The following ARHGAP6 variants were observed in gnomAD, a reference collection of about 807,000 sequenced individuals.
The protein encoded by ARHGAP6 is rho GTPase-activating protein 6.
Under a neutral mutation model 55.7 loss-of-function variants are expected in ARHGAP6, and 16 were observed. The observed-to-expected ratio is 0.29, with a 90% confidence interval of 0.19 to 0.44. The LOEUF is 0.44. ARHGAP6 is among the 20% of genes least tolerant of loss of function. The pLI, the probability that ARHGAP6 is intolerant of heterozygous loss-of-function variation, is 1.00. For missense variants in ARHGAP6, 698 were observed against 808.9 expected, an observed-to-expected ratio of 0.86 and a Z score of 1.66; for synonymous variants, 382 against 360.9, an observed-to-expected ratio of 1.06 and a Z score of -0.66.
intron 1 of ARHGAP6, among the ~76,000 whole-genome samples, chrX:11,524,829 C>T (rs1462468569): frequency 1.8e-5 from 2 of 111,259 alleles, no homozygotes; most frequent in Non-Finnish European, 3.8e-5. Flanking sequence ...AATGTAGAAT[C>T]AGTAGGAGCC....
At chrX:11,336,226 T>C (rs1465693666) in intron 1 of ARHGAP6, among the ~76,000 whole-genome samples, 1 of 111,529 alleles carries the variant, frequency 9.0e-6, no homozygotes, top group Non-Finnish European at 1.9e-5. Context: ...AAATAACTAA[T>C]GATCATAATT....
At chrX:11,470,509 T>G (rs2050337249) in intron 1 of ARHGAP6, among the ~76,000 whole-genome samples, 1 of 112,437 alleles carries the variant, frequency 8.9e-6, no homozygotes, top group African/African-American at 3.2e-5. Context: ...TGAGCTAATG[T>G]GGATGTTATT....
At chrX:11,206,018 C>T (rs755278247) in intron 2 of ARHGAP6, among the ~76,000 whole-genome samples, 3 of 111,649 alleles carry the variant, frequency 2.7e-5, no homozygotes, top group East Asian at 2.8e-4. Context: ...CTTCTCTCCC[C>T]GGCATGGAAA....
intron 1 of ARHGAP6, among the ~76,000 whole-genome samples, chrX:11,414,624 A>G (rs1311840630): frequency 9.0e-6 from 1 of 111,380 alleles, no homozygotes; most frequent in Non-Finnish European, 1.9e-5. Context: ...AAGGTGTTCA[A>G]ACTTCAATGA....
At chrX:11,444,290 C>T (rs1451837292) in intron 1 of ARHGAP6, among the ~76,000 whole-genome samples, 1 of 112,408 alleles carries the variant, frequency 8.9e-6, no homozygotes, top group Admixed American at 9.4e-5. Context: ...ATTTAGTCCA[C>T]AGGCAGCGAA....
rs964907093 is a variant in ARHGAP6 at position 11,420,031 on chromosome X, G to A, written c.589-165324C>T. On this transcript the variant is annotated intron_variant, in intron 1 of 12. Transcript: ENST00000337414. Reference sequence around the variant, plus strand: ...GAGAAGAGGAGAACAAGCCTGACAGGTTTTCATTTGAAAGAGTCATGGCAT... The same window carrying A: ...GAGAAGAGGAGAACAAGCCTGACAGATTTTCATTTGAAAGAGTCATGGCAT... 4.5e-5 allele frequency among the ~76,000 whole-genome samples: 5 copies of A among 112,009 alleles called. No individual in the cohort carries two copies. The South Asian group carries it at 1.9e-3, about 42-fold the overall frequency.
intron 8 of ARHGAP6, among the ~76,000 whole-genome samples, chrX:11,174,613 TTTCTCTTTCTTTTC>T (rs1220061466): frequency 1.1e-5 from 1 of 94,641 alleles, no homozygotes; most frequent in African/African-American, 3.9e-5. Flanking sequence ...TCTTTCTTTC[TTTCTCTTTCTTTTC>T]TTTCTTTCTT....
intron 1 of ARHGAP6, among the ~76,000 whole-genome samples, chrX:11,645,429 A>T (rs2052516836): frequency 8.9e-6 from 1 of 111,812 alleles, no homozygotes. Context: ...AAGAGAAACT[A>T]TAATTCAACA....
At chrX:11,213,324 G>A (rs2046834182) in intron 2 of ARHGAP6, among the ~76,000 whole-genome samples, 1 of 112,381 alleles carries the variant, frequency 8.9e-6, no homozygotes. Flanking sequence ...TAAGAAAATT[G>A]TTGACTCCCT....
At chrX:11,554,570 C>G (rs1364354485) in intron 1 of ARHGAP6, among the ~76,000 whole-genome samples, 1 of 111,813 alleles carries the variant, frequency 8.9e-6, no homozygotes, top group East Asian at 2.8e-4. Flanking sequence ...TAAATATGAA[C>G]AAATATTATG....
intron 1 of ARHGAP6, among the ~76,000 whole-genome samples, chrX:11,582,459 G>A (rs2051676996): frequency 1.8e-5 from 2 of 112,227 alleles, no homozygotes; most frequent in South Asian, 7.4e-4. Context: ...TTTTCAAAAT[G>A]TAAAATATTG....
intron 2 of ARHGAP6, among the ~76,000 whole-genome samples, chrX:11,234,695 G>C (rs977085495): frequency 8.9e-6 from 1 of 112,149 alleles, no homozygotes; most frequent in Non-Finnish European, 1.9e-5. Flanking sequence ...TGCACTCCTT[G>C]GTAACTACCC....
intron 1 of ARHGAP6, chrX:11,294,892 G>A: frequency 8.5e-7 from 1 of 1,178,776 alleles, no homozygotes; most frequent in Non-Finnish European, 1.2e-6. Context: ...CACAAACTTG[G>A]ACATAAAAAT....
intron 12 of ARHGAP6, 36 bp from the exon 13 acceptor site, chrX:11,139,566 A>G (rs759069661): frequency 4.5e-6 from 5 of 1,109,629 alleles, no homozygotes; most frequent in Non-Finnish European, 2.4e-6. Context: ...AAATGGAATC[A>G]GTTTGTAGAA....
At chrX:11,655,834 T>A (rs1220021556) in intron 1 of ARHGAP6, among the ~76,000 whole-genome samples, 2 of 112,634 alleles carry the variant, frequency 1.8e-5, no homozygotes, top group Non-Finnish European at 3.8e-5. Flanking sequence ...CTGGGAGAAC[T>A]GCTATCTGCA....
intron 1 of ARHGAP6, among the ~76,000 whole-genome samples, chrX:11,398,377 C>A (rs2049507038): frequency 9.1e-6 from 1 of 110,212 alleles, no homozygotes; most frequent in African/African-American, 3.3e-5. Context: ...AACTCATTCT[C>A]AGTTTGATTT....
intron 1 of ARHGAP6, among the ~76,000 whole-genome samples, chrX:11,585,032 T>G (rs1233868320): frequency 8.9e-6 from 1 of 111,837 alleles, no homozygotes; most frequent in East Asian, 2.8e-4. Context: ...ACATACAGTA[T>G]TTGGTTTTCT....
intron 1 of ARHGAP6, among the ~76,000 whole-genome samples, chrX:11,509,194 T>G (rs2050761546): frequency 9.0e-6 from 1 of 111,672 alleles, no homozygotes; most frequent in East Asian, 2.8e-4. Flanking sequence ...CTGGGGAAAC[T>G]CCCCCAAATT....
intron 1 of ARHGAP6, among the ~76,000 whole-genome samples, chrX:11,589,414 C>CT (rs1165803490): frequency 1.5e-3 from 149 of 102,436 alleles, no homozygotes; most frequent in Middle Eastern, 5.3e-3. Flanking sequence ...CAAATATAAC[C>CT]TTTTTTTTGC....
Sources: allele counts gnomAD v4.1 joint callset (sites outside exome capture counted in the v4.1 genomes callset), GRCh38; gene constraint gnomAD v4.1.1; transcripts MANE v1.5; gene names NCBI Gene and HGNC (gene_info 2026-07-23, HGNC 2026-07-21).